The following CTNNA2 variants were observed in gnomAD, a reference collection of about 807,000 sequenced individuals.
The protein encoded by CTNNA2 is catenin alpha 2, also known as catenin alpha-2.
In CTNNA2, 42 loss-of-function variants were observed where a neutral mutation model predicts 101.0. The observed-to-expected ratio is 0.42, with a 90% confidence interval of 0.32 to 0.54. The LOEUF (loss-of-function observed/expected upper bound fraction) is 0.54. Among genes scored for constraint, CTNNA2 ranks in the 20% least tolerant of loss-of-function variants. The pLI is 0.14. For synonymous variants in CTNNA2, 450 were observed against 456.4 expected, an observed-to-expected ratio of 0.99 and a Z score of 0.18; for missense variants, 871 against 1,223.1, an observed-to-expected ratio of 0.71 and a Z score of 4.29.
chr2:79,556,438 A>T (rs541412076), intron 1 of CTNNA2, among the ~76,000 whole-genome samples: 10 of 152,190 alleles, frequency 6.6e-5, no homozygotes, highest in South Asian at 2.1e-4. Context: ...TTCACCATGT[A>T]TATGAAAAGA....
intron 2 of CTNNA2, among the ~76,000 whole-genome samples, chr2:79,658,599 C>A (rs971443441): frequency 6.6e-6 from 1 of 151,914 alleles, no homozygotes; most frequent in African/African-American, 2.4e-5. Flanking sequence ...GAGAGTTCAA[C>A]CTTTACCTTT....
intron 7 of CTNNA2, among the ~76,000 whole-genome samples, chr2:80,344,855 TC>T (rs767180784): frequency 5.1e-4 from 78 of 152,266 alleles, no homozygotes; most frequent in Non-Finnish European, 9.3e-4. Context: ...AACTCTATCG[TC>T]CTAGTGCTTT....
At chr2:79,225,827 A>C (rs1307356807) in intron 2 of CTNNA2, among the ~76,000 whole-genome samples, 1 of 152,220 alleles carries the variant, frequency 6.6e-6, no homozygotes, top group African/African-American at 2.4e-5. Context: ...GCTTTTTGCA[A>C]CATTTGTTAA....
At chr2:79,868,459 G>T (rs1040185838) in intron 4 of CTNNA2, among the ~76,000 whole-genome samples, 2 of 152,152 alleles carry the variant, frequency 1.3e-5, no homozygotes, top group African/African-American at 4.8e-5. Context: ...CATTATTACT[G>T]GTTTAGATAC....
intron 3 of CTNNA2, among the ~76,000 whole-genome samples, chr2:79,331,654 G>A (rs1676875126): frequency 6.6e-6 from 1 of 152,086 alleles, no homozygotes; most frequent in East Asian, 1.9e-4. Context: ...TGGCTCCCAG[G>A]ATCCTTGGTC....
intron 7 of CTNNA2, among the ~76,000 whole-genome samples, chr2:80,294,077 C>T (rs150484277): frequency 1.4e-4 from 22 of 152,168 alleles, no homozygotes; most frequent in African/African-American, 5.3e-4. Flanking sequence ...CTCATAATGA[C>T]ACAACCAATC....
chr2:79,449,775 G>A (rs1235727090), intron 4 of CTNNA2, among the ~76,000 whole-genome samples: 1 of 151,902 alleles, frequency 6.6e-6, no homozygotes, highest in Admixed American at 6.6e-5. Context: ...GCACTCCATT[G>A]CTCCCATTAA....
At chr2:79,497,833 A>G (rs1259525221) in intron 4 of CTNNA2, among the ~76,000 whole-genome samples, 3 of 152,232 alleles carry the variant, frequency 2.0e-5, no homozygotes, top group African/African-American at 4.8e-5. Context: ...TTAACTTTAT[A>G]TATAAATTTC....
intron 1 of CTNNA2, among the ~76,000 whole-genome samples, chr2:79,531,145 G>A (rs532280192): frequency 6.9e-6 from 1 of 145,294 alleles, no homozygotes; most frequent in African/African-American, 2.5e-5. Flanking sequence ...AAGTTCTTTT[G>A]TAAGGGAAAT....
intron 16 of CTNNA2, among the ~76,000 whole-genome samples, chr2:80,604,719 A>G (rs2149776584): frequency 6.6e-6 from 1 of 152,112 alleles, no homozygotes; most frequent in African/African-American, 2.4e-5. Flanking sequence ...AAAGGAGAGA[A>G]AAGAGCAACC....
At chr2:80,066,760 A>T (rs1698009191) in intron 7 of CTNNA2, among the ~76,000 whole-genome samples, 1 of 152,238 alleles carries the variant, frequency 6.6e-6, no homozygotes, top group South Asian at 2.1e-4. Context: ...AAATGAAATC[A>T]GTATGTTGAA....
intron 11 of CTNNA2, 91 bp downstream of exon 11, chr2:80,546,154 T>G: frequency 6.7e-7 from 1 of 1,484,068 alleles, no homozygotes; most frequent in Non-Finnish European, 9.1e-7. Context: ...TGGATCTGTG[T>G]TTCAGGCGCA....
chr2:79,913,852 C>T (rs1685983808), intron 7 of CTNNA2, among the ~76,000 whole-genome samples: 1 of 152,116 alleles, frequency 6.6e-6, no homozygotes, highest in African/African-American at 2.4e-5. Context: ...ACAGGAAATT[C>T]TGATTTACTT....
In CTNNA2 at chr2:79,914,584, C is replaced by T. The variant is rs144049627; in HGVS notation, c.1056+4787C>T. On this transcript the variant is annotated intron_variant, in intron 7 of 18. Coordinates refer to ENST00000402739, the MANE Select transcript of CTNNA2 (RefSeq NM_001282597.3). ...ATATGCATAAACTCTCTGTGTAGCT[C>T]GAATTTTTTTTAAGACTAATTTAGA... Among the ~76,000 whole-genome samples, 171 of 152,002 alleles carry T rather than the reference C, an allele frequency of 1.1e-3. 3 individuals are homozygous for T. The highest frequency in any genetic ancestry group is 3.7e-3 in the African/African-American group (155 of 41,410).
In CTNNA2 at chr2:79,669,190, T is replaced by C. The variant is rs536457830; in HGVS notation, c.102+17532T>C. Among the ~76,000 whole-genome samples, 9 of 152,334 alleles carry C rather than the reference T, an allele frequency of 5.9e-5. No homozygotes were observed. The South Asian group carries it at 1.9e-3, about 32-fold the overall frequency. Reference sequence around the variant, plus strand: ...AAGGGCCATGAAACCGGTATGATAGTAATTCTTAAGATTTTTAAATGAAGA... The same window carrying C: ...AAGGGCCATGAAACCGGTATGATAGCAATTCTTAAGATTTTTAAATGAAGA... On this transcript the variant is annotated intron_variant, in intron 2 of 18. Transcript: ENST00000402739.
intron 4 of CTNNA2, among the ~76,000 whole-genome samples, chr2:79,432,149 C>T (rs1678665368): frequency 6.6e-6 from 1 of 152,158 alleles, no homozygotes; most frequent in African/African-American, 2.4e-5. Flanking sequence ...GTTTGCCCCC[C>T]TCTGGTAATA....
At chr2:80,248,117 G>A (rs374067141) in intron 7 of CTNNA2, among the ~76,000 whole-genome samples, 2 of 151,850 alleles carry the variant, frequency 1.3e-5, no homozygotes, top group East Asian at 3.9e-4. Context: ...TTGAGGTTTG[G>A]ACTAACTAAT....
At chr2:80,370,254 GTGTGTGTGTGTGTGTATGTGTT>G (rs1210022940) in intron 7 of CTNNA2, among the ~76,000 whole-genome samples, 5 of 82,400 alleles carry the variant, frequency 6.1e-5, no homozygotes, top group Non-Finnish European at 1.3e-4. Context: ...TATTTGAGTG[GTGTGTGTGTGTGTGTATGTGTT>G]TGTGTGCGTG....
chr2:79,443,282 A>G (rs1283513645), intron 4 of CTNNA2, among the ~76,000 whole-genome samples: 1 of 152,138 alleles, frequency 6.6e-6, no homozygotes, highest in Non-Finnish European at 1.5e-5. Context: ...ATGGGAGTCT[A>G]TGGTGTGAGT....
Sources: allele counts gnomAD v4.1 joint callset (sites outside exome capture counted in the v4.1 genomes callset), GRCh38; gene constraint gnomAD v4.1.1; transcripts MANE v1.5; gene names NCBI Gene and HGNC (gene_info 2026-07-23, HGNC 2026-07-21).